The following SORCS2 variants were observed in gnomAD, a reference collection of about 807,000 sequenced individuals.
SORCS2 encodes VPS10 domain-containing receptor SorCS2.
In SORCS2, 100 loss-of-function variants were observed where a neutral mutation model predicts 141.6. The ratio of observed to expected loss-of-function variants is 0.71; its 90% CI spans 0.60 to 0.83. The LOEUF is 0.83. Ranked by LOEUF, SORCS2 falls within the 40% of genes least tolerant of loss-of-function variation. The pLI, the probability that SORCS2 is intolerant of heterozygous loss-of-function variation, is 0.00. For synonymous variants in SORCS2, 789 were observed against 676.9 expected (o/e 1.17, Z -2.57); for missense variants, 1,646 against 1,560.2 (o/e 1.05, Z -0.93).
At chr4:7,482,302 A>G (rs374988499) in intron 2 of SORCS2, among the ~76,000 whole-genome samples, 6 of 19,956 alleles carry the variant, frequency 3.0e-4, no homozygotes, top group African/African-American at 1.0e-3. Flanking sequence ...CTGTATCCCC[A>G]CTGCGGACAC....
chr4:7,212,483 A>C (rs575978552), intron 1 of SORCS2, among the ~76,000 whole-genome samples: 1 of 152,226 alleles, frequency 6.6e-6, no homozygotes, highest in Non-Finnish European at 1.5e-5. Context: ...GGCTTCAGGC[A>C]TGACTGGCTC....
chr4:7,574,212 C>T (rs977486282), intron 3 of SORCS2, among the ~76,000 whole-genome samples: 11 of 152,242 alleles, frequency 7.2e-5, no homozygotes, highest in African/African-American at 2.4e-4. Flanking sequence ...GGCCCCAGGA[C>T]GGGACTGTGT....
chr4:7,722,157 C>T lies in SORCS2; in HGVS notation c.2425-1540C>T, dbSNP rs186369567. ...AGGAACACAAGGCCCCGAGAGGTGG[C>T]GCCTCACCCAGGTTGAGCGGATCAC... On this transcript the variant is annotated intron_variant, in intron 18 of 26. Transcript: ENST00000507866. Among the ~76,000 whole-genome samples, 568 of 152,316 alleles carry T rather than the reference C, an allele frequency of 3.7e-3. 1 individual carries two copies. The highest frequency in any genetic ancestry group is 6.3e-3 in the Admixed American group (96 of 15,300).
chr4:7,687,126 C>T (rs959086746), intron 10 of SORCS2, among the ~76,000 whole-genome samples: 1 of 152,224 alleles, frequency 6.6e-6, no homozygotes, highest in Non-Finnish European at 1.5e-5. Flanking sequence ...TGACGGAGAC[C>T]AACCCATGAG....
intron 3 of SORCS2, among the ~76,000 whole-genome samples, chr4:7,604,196 C>G (rs938471506): frequency 1.2e-4 from 19 of 152,274 alleles, no homozygotes; most frequent in African/African-American, 4.6e-4. Flanking sequence ...CCACCCAAAT[C>G]TCATCTCAAC....
intron 1 of SORCS2, among the ~76,000 whole-genome samples, chr4:7,354,683 G>A (rs539295342): frequency 6.6e-6 from 1 of 152,336 alleles, no homozygotes; most frequent in Admixed American, 6.5e-5. Context: ...CTCTGCTAGC[G>A]TGGGGTGGAA....
At chr4:7,598,701 A>C (rs1453171255) in intron 3 of SORCS2, among the ~76,000 whole-genome samples, 1 of 152,214 alleles carries the variant, frequency 6.6e-6, no homozygotes, top group Non-Finnish European at 1.5e-5. Context: ...AGCTTTCCCC[A>C]TGAAAACCTC....
chr4:7,204,198 T>C (rs913591686), intron 1 of SORCS2, among the ~76,000 whole-genome samples: 13 of 152,108 alleles, frequency 8.5e-5, no homozygotes, highest in African/African-American at 3.1e-4. Context: ...GATTGCTAGA[T>C]CTTATGGTAA....
chr4:7,253,146 C>T (rs548602527), intron 1 of SORCS2, among the ~76,000 whole-genome samples: 10 of 152,372 alleles, frequency 6.6e-5, no homozygotes, highest in East Asian at 1.9e-4. Context: ...CTGGCCGTCC[C>T]GGCCTTTGAG....
chr4:7,388,473 A>C (rs1286832659), intron 1 of SORCS2, among the ~76,000 whole-genome samples: 1 of 152,162 alleles, frequency 6.6e-6, no homozygotes, highest in East Asian at 1.9e-4. Context: ...TAGGTAATAC[A>C]GCCAAATGGT....
At chr4:7,313,494 C>T (rs1171258240) in intron 1 of SORCS2, among the ~76,000 whole-genome samples, 5 of 152,124 alleles carry the variant, frequency 3.3e-5, no homozygotes, top group Non-Finnish European at 7.3e-5. Flanking sequence ...GGGGTGGTCA[C>T]TGGAGCGGAG....
At chr4:7,378,494 G>A (rs976274931) in intron 1 of SORCS2, among the ~76,000 whole-genome samples, 4 of 152,302 alleles carry the variant, frequency 2.6e-5, no homozygotes, top group African/African-American at 4.8e-5. Flanking sequence ...AGTGCCAAGC[G>A]AAGGGGGAAG....
chr4:7,637,541 TCAGTGCCCAGAA>T (rs139752259), intron 3 of SORCS2, among the ~76,000 whole-genome samples: 3,106 of 152,314 alleles, frequency 0.02, 90 homozygotes, highest in South Asian at 0.13. Flanking sequence ...CGGTGGAGCC[TCAGTGCCCAGAA>T]CAGTGCCCAG....
chr4:7,704,154 T>C lies in SORCS2; in HGVS notation c.1761-23T>C. Reference sequence around the variant, plus strand: ...GGAGCTTTCCAGCCCACCCCAGAGATGCTGACGATCTTCTCCTGGCAGGTT... The same window carrying C: ...GGAGCTTTCCAGCCCACCCCAGAGACGCTGACGATCTTCTCCTGGCAGGTT... On this transcript the variant is annotated intron_variant, in intron 13 of 26. Transcript: ENST00000507866. 2 of 1,602,158 alleles carry C rather than the reference T, an allele frequency of 1.2e-6. 1 individual carries two copies. Among genetic ancestry groups the C allele is most frequent in the South Asian group, 2.3e-5 (2 of 88,728 alleles).
intron 3 of SORCS2, among the ~76,000 whole-genome samples, chr4:7,635,421 C>T (rs1019785258): frequency 2.6e-5 from 4 of 152,204 alleles, no homozygotes; most frequent in Non-Finnish European, 2.9e-5. Context: ...TTCCTTCTAG[C>T]GCCACCACTT....
intron 1 of SORCS2, among the ~76,000 whole-genome samples, chr4:7,261,799 C>T (rs1031730089): frequency 6.6e-6 from 1 of 152,228 alleles, no homozygotes; most frequent in African/African-American, 2.4e-5. Context: ...AGGCTGTGCC[C>T]TGGGCTTTGC....
intron 8 of SORCS2, 59 bp from the exon 9 acceptor site, chr4:7,675,991 C>T (rs541969137): frequency 6.5e-7 from 1 of 1,532,728 alleles, no homozygotes; most frequent in African/African-American, 1.4e-5. Flanking sequence ...CCTGCTTCTT[C>T]CTCCCTCGTG....
At chr4:7,264,271 C>T (rs942782790) in intron 1 of SORCS2, among the ~76,000 whole-genome samples, 3 of 152,228 alleles carry the variant, frequency 2.0e-5, no homozygotes, top group East Asian at 1.9e-4. Flanking sequence ...ACAGACCTGG[C>T]TCTGTGCAGC....
chr4:7,462,779 A>C (rs1577605933), intron 2 of SORCS2, among the ~76,000 whole-genome samples: 1 of 151,340 alleles, frequency 6.6e-6, no homozygotes, highest in East Asian at 2.0e-4. Context: ...ACACTTGCAG[A>C]GTGAATGAAT....
Sources: allele counts gnomAD v4.1 joint callset (sites outside exome capture counted in the v4.1 genomes callset), GRCh38; gene constraint gnomAD v4.1.1; transcripts MANE v1.5; gene names NCBI Gene and HGNC (gene_info 2026-07-23, HGNC 2026-07-21).